Variants in SPNS3 observed in about 807,000 individuals in gnomAD.
SPNS3 encodes the protein SPNS lysolipid transporter 3, sphingosine-1-phosphate (putative).
In SPNS3, 51 loss-of-function variants were observed where a neutral mutation model predicts 54.4. The observed-to-expected ratio is 0.94, with a 90% CI of 0.75 to 1.18. SPNS3 has a LOEUF of 1.18. Ranked by LOEUF, SPNS3 falls within the 50% of genes most tolerant of loss-of-function variation. SPNS3 has a pLI of 0.00. For synonymous variants in SPNS3, 309 were observed against 294.7 expected, an observed-to-expected ratio of 1.05 and a Z score of -0.50; for missense variants, 669 against 677.4, an observed-to-expected ratio of 0.99 and a Z score of 0.14.
chr17:4,457,746 C>A (rs571784235), intron 8 of SPNS3, among the ~76,000 whole-genome samples: 20 of 147,760 alleles, frequency 1.4e-4, no homozygotes, highest in Non-Finnish European at 2.9e-4. Flanking sequence ...AGCTGCCCCC[C>A]CCTCACCCCC....
intron 2 of SPNS3, among the ~76,000 whole-genome samples, chr17:4,439,990 G>A (rs946173180): frequency 5.3e-5 from 8 of 152,174 alleles, no homozygotes; most frequent in African/African-American, 1.9e-4. Context: ...TCCTCGCTGT[G>A]GAGCTGGCCA....
intron 9 of SPNS3, among the ~76,000 whole-genome samples, chr17:4,479,860 A>G (rs984297684): frequency 6.6e-6 from 1 of 152,214 alleles, no homozygotes; most frequent in African/African-American, 2.4e-5. Flanking sequence ...CACCTGCCTT[A>G]TGGATTGATG....
chr17:4,469,585 C>T (rs950867941), intron 8 of SPNS3, among the ~76,000 whole-genome samples: 8 of 145,236 alleles, frequency 5.5e-5, no homozygotes, highest in East Asian at 2.0e-4. Flanking sequence ...CGCCACTGCA[C>T]GCCAGCCTGG....
At chr17:4,444,250 T>C (rs1201483138) in intron 2 of SPNS3, among the ~76,000 whole-genome samples, 3 of 151,830 alleles carry the variant, frequency 2.0e-5, no homozygotes, top group Admixed American at 2.0e-4. Context: ...AGTCTTGCTC[T>C]GTCGCCCAGG....
rs978898214 is a variant in SPNS3, at chr17:4,446,970, C to T, written c.621+8C>T. ...TGGCGCTGGGCCCTCCGAGTGAGTC[C>T]AGCTTCCTTTTCTTCCCTCTGCTTT... On this transcript the variant is annotated splice_region_variant and intron_variant, in intron 5 of 11. Coordinates refer to ENST00000355530, the MANE Select transcript of SPNS3 (RefSeq NM_182538.5). 6.2e-7 allele frequency: 1 copy of T among 1,614,042 alleles called. No individual in the cohort carries two copies. The highest frequency in any genetic ancestry group is 8.5e-7 in the Non-Finnish European group (1 of 1,179,950).
Position 4,446,895 on chromosome 17 carries a change from G to C in SPNS3, c.555-1G>C, listed in dbSNP as rs769984683. ...CCATCGCCCCTGCCCCTTTGTTGCAGTGGTCTGGGCTACGTGCTGGGGTCG... is the reference window on the plus strand; with the variant it reads ...CCATCGCCCCTGCCCCTTTGTTGCACTGGTCTGGGCTACGTGCTGGGGTCG... On this transcript the variant is annotated splice_acceptor_variant, in intron 4 of 11. Coordinates refer to ENST00000355530, the MANE Select transcript of SPNS3 (RefSeq NM_182538.5). LOFTEE classifies it high-confidence loss of function. 1.9e-6 allele frequency: 3 copies of C among 1,614,078 alleles called. No homozygotes were observed. Among genetic ancestry groups the C allele is most frequent in the East Asian group, 2.2e-5 (1 of 44,886 alleles).
At chr17:4,440,809 G>A (rs1970829923) in intron 2 of SPNS3, among the ~76,000 whole-genome samples, 1 of 152,198 alleles carries the variant, frequency 6.6e-6, no homozygotes, top group South Asian at 2.1e-4. Context: ...GGGGAGATTT[G>A]CCCCAGGCTA....
intron 8 of SPNS3, among the ~76,000 whole-genome samples, chr17:4,464,249 G>A (rs1971619655): frequency 6.6e-6 from 1 of 152,240 alleles, no homozygotes; most frequent in Admixed American, 6.5e-5. Flanking sequence ...CTTCTCGGCT[G>A]TTAATTAGGG....
rs1567570028 is a variant in SPNS3, at chr17:4,468,745, CTTTCTTTCTTTCTTTCTCTCTTTCTTTT to C, written c.1114-9825_1114-9798del. ...CTTTTCTTTCTTTCTTTCTTTCTTT[CTTTCTTTCTTTCTTTCTCTCTTTCTTTT>C]TCTTTCTTTCTCTCTCTCTTTCTTT... On this transcript the variant is annotated intron_variant, in intron 8 of 11. Coordinates refer to ENST00000355530, the MANE Select transcript of SPNS3 (RefSeq NM_182538.5). Among the ~76,000 whole-genome samples the C allele has an allele frequency of 6.2e-3, 881 of 142,790 alleles. 9 individuals are homozygous for C. Among genetic ancestry groups the C allele is most frequent in the African/African-American group, 0.022 (810 of 36,174 alleles). The allele number at this position is 142,790 out of a possible 152,430, so 93.7% of individuals were successfully genotyped here.
chr17:4,481,668 C>G (rs971890700), intron 9 of SPNS3, among the ~76,000 whole-genome samples: 1 of 152,188 alleles, frequency 6.6e-6, no homozygotes, highest in Non-Finnish European at 1.5e-5. Flanking sequence ...CCCAGCCTGG[C>G]TCCTCACTAG....
In SPNS3 at chr17:4,446,150, C is replaced by A. The variant is rs779176728; in HGVS notation, c.505C>A (p.Gln169Lys). The change falls in exon 4 of 12, where the codon CAG becomes AAG. Residue 169 changes from glutamine to lysine, a missense_variant. Gln to Lys is a moderately conservative substitution (Grantham distance 53). Coordinates refer to ENST00000355530, the MANE Select transcript of SPNS3 (RefSeq NM_182538.5). ...TVLGDLFVRD[Q>K]RTRVLAVFYI... ...CCTGGGCGACCTCTTCGTGAGGGAC[C>A]AGCGCACCCGCGTGCTGGCTGTCTT... is the stretch of plus-strand genomic sequence containing the variant. The A allele has an allele frequency of 3.1e-6, 5 of 1,613,560 alleles. No individual in the cohort carries two copies.
chr17:4,485,311 T>C (rs903927328), intron 9 of SPNS3: 1 of 152,038 alleles, frequency 6.6e-6, no homozygotes, highest in African/African-American at 2.4e-5. Context: ...GGAAGAAAGG[T>C]GAAACAGTTT....
chr17:4,445,160 T>TC lies in SPNS3; in HGVS notation c.400dup (p.Arg134ProfsTer116), dbSNP rs748997638. The stretch of plus-strand genomic sequence containing the variant: ...AGCTGGCCTCTCTAGCTCCTTCATC[T>TC]CCCCCCGGGTACGTGTCCATGCCCC... On this transcript the variant is annotated frameshift_variant, in exon 3 of 12. Coordinates refer to ENST00000355530, the MANE Select transcript of SPNS3 (RefSeq NM_182538.5). LOFTEE classifies it high-confidence loss of function. The TC allele has an allele frequency of 1.7e-5, 28 of 1,611,544 alleles. No homozygotes were observed. In the African/African-American group the frequency reaches 2.4e-4, roughly 14 times the overall value.
Position 4,434,016 on chromosome 17 carries a change from C to A in SPNS3, c.49C>A (p.Leu17Met). The A allele has an allele frequency of 1.2e-6, 2 of 1,600,990 alleles. No individual in the cohort carries two copies. Among genetic ancestry groups the A allele is most frequent in the South Asian group, 2.2e-5 (2 of 89,632 alleles). The stretch of plus-strand genomic sequence containing the variant: ...GTGCCCTGAGCCTGGGCCAGGAGGT[C>A]TGCAGGGCCAGTCCCCAGGGCCAGG... ...AECPEPGPGGLQGQSPGPGRQ... is the reference protein window; with the variant it reads ...AECPEPGPGGMQGQSPGPGRQ... Residue 17 changes from leucine (L) to methionine (M), a missense_variant, in exon 1 of 12, where the codon CTG becomes ATG. Transcript: ENST00000355530.
At position 4,471,762 on chromosome 17, in the gene SPNS3, G is replaced by A. The variant is rs191988220; in HGVS notation, c.1114-6810G>A. ...ATTACAGGCATGTACCACTGTGCCCGGTCTGAATTAATATTCTCACTGCAT... is the reference window on the plus strand; with the variant it reads ...ATTACAGGCATGTACCACTGTGCCCAGTCTGAATTAATATTCTCACTGCAT... On this transcript the variant is annotated intron_variant, in intron 8 of 11. Transcript: ENST00000355530. Among the ~76,000 whole-genome samples the A allele has an allele frequency of 2.5e-3, 376 of 152,106 alleles. 2 individuals carry two copies. Among genetic ancestry groups the A allele is most frequent in the Admixed American group, 0.018 (278 of 15,250 alleles).
At chr17:4,437,683 A>G (rs2143976121) in intron 1 of SPNS3, among the ~76,000 whole-genome samples, 1 of 151,926 alleles carries the variant, frequency 6.6e-6, no homozygotes, top group South Asian at 2.1e-4. Flanking sequence ...AAATAAATAA[A>G]ATAAAAATAA....
intron 8 of SPNS3, among the ~76,000 whole-genome samples, chr17:4,472,106 G>A (rs993028820): frequency 2.6e-5 from 4 of 151,920 alleles, no homozygotes; most frequent in East Asian, 1.9e-4. Flanking sequence ...TGATCCACCC[G>A]TCTCAGCCTC....
At chr17:4,487,514 C>G (rs1972354618) in intron 11 of SPNS3, among the ~76,000 whole-genome samples, 1 of 152,204 alleles carries the variant, frequency 6.6e-6, no homozygotes, top group African/African-American at 2.4e-5. Context: ...AGGAGAGGAG[C>G]ACCGAGGTGG....
intron 2 of SPNS3, among the ~76,000 whole-genome samples, chr17:4,440,327 C>T (rs935552907): frequency 6.6e-6 from 1 of 152,172 alleles, no homozygotes; most frequent in African/African-American, 2.4e-5. Flanking sequence ...CACACACCCA[C>T]ATGTGCACAC....
Sources: gnomAD v4.1 joint callset for allele counts (sites outside exome capture counted in the v4.1 genomes callset) on GRCh38, gnomAD v4.1.1 for gene constraint, MANE v1.5 for transcripts, NCBI Gene and HGNC (gene_info 2026-07-23, HGNC 2026-07-21) for gene names.